The following MPP7 variants were observed in gnomAD, a reference collection of about 807,000 sequenced individuals.
MPP7 encodes the protein MAGUK p55 subfamily member 7.
Under a neutral mutation model 76.5 loss-of-function variants are expected in MPP7, and 60 were observed. That is an observed-to-expected ratio of 0.78 (90% confidence interval 0.64 to 0.97). The LOEUF is 0.97. MPP7 is among the 50% of genes least tolerant of loss of function. MPP7 has a pLI of 0.00. For missense variants in MPP7, 641 were observed against 694.0 expected, an observed-to-expected ratio of 0.92 and a Z score of 0.86; for synonymous variants, 237 against 244.5, an observed-to-expected ratio of 0.97 and a Z score of 0.29.
chr10:28,148,275 C>T (rs1229534444), intron 4 of MPP7, among the ~76,000 whole-genome samples: 1 of 152,110 alleles, frequency 6.6e-6, no homozygotes, highest in Non-Finnish European at 1.5e-5. Flanking sequence ...AAACCTGCCC[C>T]ATATCTTCCA....
At chr10:28,292,617 C>A (rs1840947241) in intron 1 of MPP7, among the ~76,000 whole-genome samples, 1 of 152,138 alleles carries the variant, frequency 6.6e-6, no homozygotes, top group African/African-American at 2.4e-5. Context: ...GTCAATGGGA[C>A]ATATTTTTTT....
At chr10:28,243,399 ATTTT>A (rs35662382) in intron 1 of MPP7, among the ~76,000 whole-genome samples, 21,461 of 145,930 alleles carry the variant, frequency 0.15, 1,650 homozygotes, top group African/African-American at 0.19. Context: ...AACAAATGTG[ATTTT>A]TTTTTTTTTT....
At chr10:28,286,305 C>G (rs1272098322) in intron 1 of MPP7, among the ~76,000 whole-genome samples, 1 of 151,564 alleles carries the variant, frequency 6.6e-6, no homozygotes, top group Non-Finnish European at 1.5e-5. Context: ...GAGATCACGC[C>G]ACTGTACTCC....
rs1834808717 is a variant in MPP7 at position 28,120,683 on chromosome 10, A to T, written c.616-15T>A. The T allele has an allele frequency of 6.2e-7, 1 of 1,607,244 alleles. No homozygotes were observed. The highest frequency in any genetic ancestry group is 1.3e-5 in the African/African-American group (1 of 74,774). Reference sequence around the variant, plus strand: ...TGAGACTGAGCCTGGTAACAGATAAAACAAGGAGTTATAAGAAAACCAGAC... The same window carrying T: ...TGAGACTGAGCCTGGTAACAGATAATACAAGGAGTTATAAGAAAACCAGAC... On this transcript the variant is annotated splice_polypyrimidine_tract_variant and intron_variant, in intron 8 of 16. Coordinates refer to ENST00000683449, the MANE Select transcript of MPP7 (RefSeq NM_001318170.2).
intron 3 of MPP7, among the ~76,000 whole-genome samples, chr10:28,194,819 G>C (rs1042034473): frequency 3.9e-5 from 6 of 152,156 alleles, no homozygotes; most frequent in Non-Finnish European, 7.3e-5. Context: ...TCAAAACCTG[G>C]AAGTATACAA....
chr10:28,067,114 T>C (rs762792001), intron 13 of MPP7, among the ~76,000 whole-genome samples: 1 of 152,218 alleles, frequency 6.6e-6, no homozygotes, highest in Non-Finnish European at 1.5e-5. Context: ...TAGTGGATAC[T>C]GCTACTTAGT....
intron 1 of MPP7, among the ~76,000 whole-genome samples, chr10:28,285,770 T>G (rs914381379): frequency 6.6e-6 from 1 of 151,820 alleles, no homozygotes; most frequent in Non-Finnish European, 1.5e-5. Flanking sequence ...TGATTACTAT[T>G]TACAGGCATT....
chr10:28,280,451 T>A (rs904379456), intron 1 of MPP7, among the ~76,000 whole-genome samples: 7 of 152,112 alleles, frequency 4.6e-5, no homozygotes, highest in Admixed American at 2.6e-4. Context: ...CCTGGACATA[T>A]TCAGTACAGA....
chr10:28,055,945 T>C (rs1274459135), intron 16 of MPP7, among the ~76,000 whole-genome samples: 1 of 152,232 alleles, frequency 6.6e-6, no homozygotes, highest in African/African-American at 2.4e-5. Context: ...AAAAGGTATG[T>C]ACCTAAATAC....
intron 2 of MPP7, among the ~76,000 whole-genome samples, chr10:28,231,509 A>G (rs1838881870): frequency 6.6e-6 from 1 of 151,838 alleles, no homozygotes; most frequent in African/African-American, 2.4e-5. Context: ...AATTAAGAGG[A>G]GAGAGGAAGA....
intron 1 of MPP7, among the ~76,000 whole-genome samples, chr10:28,274,535 C>G (rs969523413): frequency 6.6e-6 from 1 of 152,124 alleles, no homozygotes; most frequent in African/African-American, 2.4e-5. Context: ...ACAAAATTTA[C>G]CAATTTTCTG....
chr10:28,088,799 G>T lies in MPP7; in HGVS notation c.1123+872C>A, dbSNP rs542056418. Among the ~76,000 whole-genome samples the T allele has an allele frequency of 5.5e-4, 84 of 152,272 alleles. 1 individual carries two copies. Among genetic ancestry groups the T allele is most frequent in the Non-Finnish European group, 9.6e-4 (65 of 68,022 alleles). On this transcript the variant is annotated intron_variant, in intron 12 of 16. Transcript: ENST00000683449. ...CTTGTGGCTACTCACATCTGTGAAG[G>T]GTGCACAAGATAGATGCTAGGATGC... is the stretch of plus-strand genomic sequence containing the variant.
At chr10:28,080,834 G>C (rs1204614770) in intron 12 of MPP7, among the ~76,000 whole-genome samples, 1 of 152,200 alleles carries the variant, frequency 6.6e-6, no homozygotes, top group Non-Finnish European at 1.5e-5. Context: ...CAGTTTTACA[G>C]TTATCTATAT....
chr10:28,206,278 G>T (rs1399950546), intron 2 of MPP7, among the ~76,000 whole-genome samples: 1 of 152,176 alleles, frequency 6.6e-6, no homozygotes, highest in Non-Finnish European at 1.5e-5. Flanking sequence ...CATCTTAGAT[G>T]ACACAGAATA....
At chr10:28,333,416 A>G (rs1834487986) in intron 1 of MPP7, among the ~76,000 whole-genome samples, 2 of 152,188 alleles carry the variant, frequency 1.3e-5, no homozygotes, top group Admixed American at 1.3e-4. Flanking sequence ...AAGTGTTGGG[A>G]TTACAGGCGT....
chr10:28,239,557 A>G (rs1839198023), intron 1 of MPP7, among the ~76,000 whole-genome samples: 1 of 152,244 alleles, frequency 6.6e-6, no homozygotes, highest in African/African-American at 2.4e-5. Flanking sequence ...GCAAGATGTT[A>G]TTATAGATTT....
At chr10:28,248,320 T>C (rs1342698266) in intron 1 of MPP7, among the ~76,000 whole-genome samples, 1 of 152,088 alleles carries the variant, frequency 6.6e-6, no homozygotes, top group Non-Finnish European at 1.5e-5. Context: ...TAAGACCACA[T>C]GGAAGCCAGC....
At chr10:28,331,254 C>A (rs1418923563) in intron 1 of MPP7, among the ~76,000 whole-genome samples, 1 of 152,114 alleles carries the variant, frequency 6.6e-6, no homozygotes, top group Non-Finnish European at 1.5e-5. Context: ...GTGGGTCCTG[C>A]CTTCAATTAA....
At chr10:28,265,418 G>C (rs778458133) in intron 1 of MPP7, among the ~76,000 whole-genome samples, 1 of 152,100 alleles carries the variant, frequency 6.6e-6, no homozygotes, top group Non-Finnish European at 1.5e-5. Context: ...ACTTAGCCAG[G>C]CATGGTGGTA....
Sources: gnomAD v4.1 joint callset for allele counts (sites outside exome capture counted in the v4.1 genomes callset) on GRCh38, gnomAD v4.1.1 for gene constraint, MANE v1.5 for transcripts, NCBI Gene and HGNC (gene_info 2026-07-23, HGNC 2026-07-21) for gene names.